The following ATP8A1 variants were observed in gnomAD, a reference collection of about 807,000 sequenced individuals.
The protein encoded by ATP8A1 is phospholipid-transporting ATPase IA.
A neutral mutation model predicts 177.7 loss-of-function variants in ATP8A1; 90 were observed. The observed-to-expected ratio is 0.51, with a 90% confidence interval of 0.43 to 0.60. The LOEUF (loss-of-function observed/expected upper bound fraction) is 0.60, where lower values mean the gene tolerates loss of function less well. ATP8A1 is among the 20% of genes least tolerant of loss of function. The pLI is 0.00. For synonymous variants in ATP8A1, 493 were observed against 485.9 expected (o/e 1.01, Z -0.19); for missense variants, 1,072 against 1,392.8 (o/e 0.77, Z 3.67).
Position 42,507,192 on chromosome 4 carries a change from G to A in ATP8A1, c.1948-38C>T, listed in dbSNP as rs201069390. On this transcript the variant is annotated intron_variant, in intron 22 of 36. Transcript: ENST00000381668. ...AGTGGTAGAAATGTTTTAAAAATCCGTTCATATTCTTTAAAAACAAAAAAT... is the reference window on the plus strand; with the variant it reads ...AGTGGTAGAAATGTTTTAAAAATCCATTCATATTCTTTAAAAACAAAAAAT... 1.6e-4 allele frequency: 257 copies of A among 1,599,890 alleles called. No individual in the cohort carries two copies. The African/African-American group carries it at 2.7e-3, about 17-fold the overall frequency.
chr4:42,586,172 G>A (rs1024821591), intron 9 of ATP8A1, among the ~76,000 whole-genome samples, 177 bp downstream of exon 9: 1 of 152,106 alleles, frequency 6.6e-6, no homozygotes, highest in Non-Finnish European at 1.5e-5. Flanking sequence ...CTACATGAAT[G>A]GATAAGATTC....
chr4:42,426,545 CA>C (rs1287195704), intron 33 of ATP8A1, among the ~76,000 whole-genome samples: 1 of 152,210 alleles, frequency 6.6e-6, no homozygotes, highest in Non-Finnish European at 1.5e-5. Flanking sequence ...TTCTCAGTCT[CA>C]GTTTCCTCAG....
rs74695566 is a variant in ATP8A1 at position 42,583,999 on chromosome 4, G to A, written c.723-2267C>T. On this transcript the variant is annotated intron_variant, in intron 9 of 36. Transcript: ENST00000381668. ...GATGTTCATGGAACGATCACTCTGT[G>A]AAAATTTTAGAACAACATATAATTA... Among the ~76,000 whole-genome samples, 457 of 152,324 alleles carry A rather than the reference G, an allele frequency of 3.0e-3. 5 individuals carry two copies. Among genetic ancestry groups the A allele is most frequent in the African/African-American group, 0.01 (435 of 41,568 alleles).
Position 42,437,237 on chromosome 4 carries a change from G to A in ATP8A1, c.3123+6328C>T, listed in dbSNP as rs147009349. ...TATGAAACGATCCCTGCTGTAGCTG[G>A]TTTTTTATTTTTTAATCTGGTTTAT... is the stretch of plus-strand genomic sequence containing the variant. On this transcript the variant is annotated intron_variant, in intron 33 of 36. Coordinates refer to ENST00000381668, the MANE Select transcript of ATP8A1 (RefSeq NM_006095.2). Among the ~76,000 whole-genome samples, 299 of 152,250 alleles carry A rather than the reference G, an allele frequency of 2.0e-3. 2 individuals carry two copies. The highest frequency in any genetic ancestry group is 3.6e-3 in the Non-Finnish European group (242 of 68,020).
chr4:42,438,726 A>C (rs1029240321), intron 33 of ATP8A1, among the ~76,000 whole-genome samples: 1 of 152,182 alleles, frequency 6.6e-6, no homozygotes, highest in African/African-American at 2.4e-5. Context: ...ACCTGAGAGT[A>C]CGGAACAGCA....
At chr4:42,633,579 G>A (rs1738967821) in intron 1 of ATP8A1, among the ~76,000 whole-genome samples, 1 of 152,126 alleles carries the variant, frequency 6.6e-6, no homozygotes, top group African/African-American at 2.4e-5. Context: ...GTAAGAATGA[G>A]GAAGAAAATA....
At chr4:42,531,996 G>C (rs1237914804) in intron 20 of ATP8A1, among the ~76,000 whole-genome samples, 2 of 152,004 alleles carry the variant, frequency 1.3e-5, no homozygotes, top group Non-Finnish European at 1.5e-5. Context: ...CAGTTACTCG[G>C]GAGTATGAGG....
At chr4:42,547,342 T>C (rs1729031119) in intron 19 of ATP8A1, among the ~76,000 whole-genome samples, 2 of 152,312 alleles carry the variant, frequency 1.3e-5, no homozygotes, top group Admixed American at 6.5e-5. Flanking sequence ...TTCCTTTTAT[T>C]TTCACTACCA....
intron 14 of ATP8A1, 37 bp downstream of exon 14, chr4:42,574,582 C>CA: frequency 6.7e-7 from 1 of 1,485,338 alleles, no homozygotes; most frequent in Non-Finnish European, 9.3e-7. Context: ...ACTAATTAAG[C>CA]ATGTATTTCA....
At chr4:42,563,226 G>A (rs897632394) in intron 15 of ATP8A1, among the ~76,000 whole-genome samples, 1 of 152,208 alleles carries the variant, frequency 6.6e-6, no homozygotes, top group Non-Finnish European at 1.5e-5. Flanking sequence ...GTTGGGAACT[G>A]GAGAAAAGGT....
chr4:42,594,990 A>C (rs1240495579), intron 6 of ATP8A1, among the ~76,000 whole-genome samples: 1 of 152,162 alleles, frequency 6.6e-6, no homozygotes, highest in Non-Finnish European at 1.5e-5. Context: ...ATAAAGATAA[A>C]GAGATACTAT....
chr4:42,496,681 C>T (rs932465481), intron 24 of ATP8A1, among the ~76,000 whole-genome samples: 6 of 151,910 alleles, frequency 3.9e-5, no homozygotes, highest in Non-Finnish European at 8.8e-5. Flanking sequence ...TCATGATCTG[C>T]CATATTTTCT....
intron 22 of ATP8A1, among the ~76,000 whole-genome samples, chr4:42,508,811 T>C (rs977157394): frequency 6.6e-6 from 1 of 152,188 alleles, no homozygotes; most frequent in Non-Finnish European, 1.5e-5. Context: ...GAGGGCAGAA[T>C]GGATGCAAGG....
chr4:42,623,088 G>GA (rs1195188234), intron 4 of ATP8A1, among the ~76,000 whole-genome samples: 1 of 150,800 alleles, frequency 6.6e-6, no homozygotes, highest in Non-Finnish European at 1.5e-5. Flanking sequence ...AGCAAACGTT[G>GA]AAAAAAAGCT....
chr4:42,583,474 C>T (rs1056731659), intron 9 of ATP8A1, among the ~76,000 whole-genome samples: 49 of 152,246 alleles, frequency 3.2e-4, no homozygotes, highest in African/African-American at 1.1e-3. Context: ...TGTTCCTTAC[C>T]CAGCCAATGG....
At chr4:42,501,913 T>C (rs1478975974) in intron 24 of ATP8A1, among the ~76,000 whole-genome samples, 1 of 152,212 alleles carries the variant, frequency 6.6e-6, no homozygotes, top group Non-Finnish European at 1.5e-5. Context: ...GACAAATTAG[T>C]GTTAATCCAT....
intron 16 of ATP8A1, among the ~76,000 whole-genome samples, chr4:42,553,550 C>T (rs777163066): frequency 2.0e-5 from 3 of 152,054 alleles, no homozygotes; most frequent in Non-Finnish European, 4.4e-5. Context: ...ACATATCTTC[C>T]TGTCTGGCTC....
Position 42,483,388 on chromosome 4 carries a change from A to AC in ATP8A1, c.2324+2107_2324+2108insG, listed in dbSNP as rs1175579082. Among the ~76,000 whole-genome samples the AC allele has an allele frequency of 4.4e-4, 67 of 151,894 alleles. 1 individual carries two copies. The highest frequency in any genetic ancestry group is 6.3e-4 in the African/African-American group (26 of 41,450). ...GATATGTGACTTAAGAAAAAAAAAA[A>AC]AAAAACCTTAAAACTGGAAATAAAA... On this transcript the variant is annotated intron_variant, in intron 25 of 36. Coordinates refer to ENST00000381668, the MANE Select transcript of ATP8A1 (RefSeq NM_006095.2).
intron 25 of ATP8A1, among the ~76,000 whole-genome samples, chr4:42,484,234 CCA>C (rs747192532): frequency 5.3e-5 from 8 of 152,102 alleles, no homozygotes; most frequent in Non-Finnish European, 8.8e-5. Context: ...AAAATAATTT[CCA>C]GTCTCTTTAT....
Sources: gnomAD v4.1 joint callset for allele counts (sites outside exome capture counted in the v4.1 genomes callset) on GRCh38, gnomAD v4.1.1 for gene constraint, MANE v1.5 for transcripts, NCBI Gene and HGNC (gene_info 2026-07-23, HGNC 2026-07-21) for gene names.